TENM4: variants seen among roughly 807,000 people sequenced by gnomAD.
TENM4 encodes the protein teneurin transmembrane protein 4, also known as teneurin-4.
Under a neutral mutation model 243.3 loss-of-function variants are expected in TENM4, and 82 were observed. The ratio of observed to expected loss-of-function variants is 0.34; its 90% CI spans 0.28 to 0.40. TENM4 has a LOEUF of 0.40. Ranked by LOEUF, TENM4 falls within the 10% of genes least tolerant of loss-of-function variation. The pLI is 1.00. For synonymous variants in TENM4, 1,412 were observed against 1,456.3 expected (o/e 0.97, Z 0.69); for missense variants, 3,138 against 3,673.3 (o/e 0.85, Z 3.77).
intron 9 of TENM4, among the ~76,000 whole-genome samples, chr11:78,888,678 CT>C (rs1438445763): frequency 6.6e-6 from 1 of 152,242 alleles, no homozygotes; most frequent in Non-Finnish European, 1.5e-5. Flanking sequence ...GCCACAGTGA[CT>C]TTGCTGGTTA....
chr11:79,013,548 G>T (rs1314642310), intron 6 of TENM4, among the ~76,000 whole-genome samples: 7 of 152,186 alleles, frequency 4.6e-5, no homozygotes, highest in African/African-American at 1.7e-4. Flanking sequence ...CCAATCATGG[G>T]GTGGGGAAGT....
chr11:79,288,853 G>A (rs1356126702), intron 2 of TENM4, among the ~76,000 whole-genome samples: 1 of 152,042 alleles, frequency 6.6e-6, no homozygotes, highest in Non-Finnish European at 1.5e-5. Flanking sequence ...AAATAAGAAT[G>A]GGTGAGATGA....
chr11:78,733,360 A>G (rs1277973905), intron 20 of TENM4, among the ~76,000 whole-genome samples: 1 of 152,132 alleles, frequency 6.6e-6, no homozygotes, highest in Non-Finnish European at 1.5e-5. Flanking sequence ...TCCTAGTCCT[A>G]GTTCTGTCTT....
chr11:78,807,069 A>T (rs1857405213), intron 14 of TENM4, among the ~76,000 whole-genome samples: 1 of 152,230 alleles, frequency 6.6e-6, no homozygotes, highest in Non-Finnish European at 1.5e-5. Flanking sequence ...TTATATGTTC[A>T]TACCTCATTT....
chr11:78,853,668 T>A (rs1405322810), intron 12 of TENM4, among the ~76,000 whole-genome samples: 1 of 152,208 alleles, frequency 6.6e-6, no homozygotes, highest in Non-Finnish European at 1.5e-5. Context: ...CTTTTCTCAT[T>A]GGCCAGGGGT....
chr11:79,053,839 C>T (rs556378077), intron 6 of TENM4, among the ~76,000 whole-genome samples: 18 of 152,308 alleles, frequency 1.2e-4, no homozygotes, highest in African/African-American at 4.1e-4. Context: ...TTCCTATGCT[C>T]CCTTCCAGAC....
intron 3 of TENM4, among the ~76,000 whole-genome samples, chr11:79,160,984 T>C (rs1016102357): frequency 6.6e-6 from 1 of 152,192 alleles, no homozygotes; most frequent in African/African-American, 2.4e-5. Flanking sequence ...TGCCTTCCAC[T>C]TCCTCTTCCA....
intron 4 of TENM4, among the ~76,000 whole-genome samples, chr11:79,130,747 C>CG (rs532473228): frequency 6.6e-6 from 1 of 152,122 alleles, no homozygotes; most frequent in African/African-American, 2.4e-5. Context: ...GGTGTGAACT[C>CG]GGGGGGCGGA....
intron 12 of TENM4, among the ~76,000 whole-genome samples, chr11:78,820,029 T>C (rs1364636901): frequency 6.6e-6 from 1 of 152,184 alleles, no homozygotes; most frequent in Non-Finnish European, 1.5e-5. Context: ...TACTTCAGGT[T>C]ACACCTATTT....
chr11:79,343,404 G>A (rs962221340), intron 1 of TENM4, among the ~76,000 whole-genome samples: 5 of 152,196 alleles, frequency 3.3e-5, no homozygotes, highest in African/African-American at 1.2e-4. Context: ...ACAGAGGTCT[G>A]CTGGCTCCAG....
intron 17 of TENM4, among the ~76,000 whole-genome samples, chr11:78,773,893 G>T (rs1003387329): frequency 1.3e-5 from 2 of 152,108 alleles, no homozygotes; most frequent in Non-Finnish European, 2.9e-5. Context: ...GTAACTTTTT[G>T]TTAAAAATGT....
chr11:79,436,857 C>A (rs1281896253), intron 1 of TENM4, among the ~76,000 whole-genome samples: 2 of 152,226 alleles, frequency 1.3e-5, no homozygotes, highest in Non-Finnish European at 2.9e-5. Flanking sequence ...CCTTCCCCCA[C>A]CACAGAAGAT....
chr11:78,712,774 G>A (rs1859431014), intron 25 of TENM4, 60 bp from the exon 26 acceptor site: 2 of 1,461,174 alleles, frequency 1.4e-6, no homozygotes, highest in Non-Finnish European at 9.5e-7. Flanking sequence ...AGTAGCTGGA[G>A]ATGTACAGAT....
intron 6 of TENM4, among the ~76,000 whole-genome samples, chr11:78,993,161 C>A (rs1858086676): frequency 6.6e-6 from 1 of 152,082 alleles, no homozygotes; most frequent in Admixed American, 6.5e-5. Flanking sequence ...CAAAATCTTT[C>A]AAGGGGCATG....
At chr11:79,021,298 T>C (rs1223990455) in intron 6 of TENM4, among the ~76,000 whole-genome samples, 1 of 152,212 alleles carries the variant, frequency 6.6e-6, no homozygotes, top group Non-Finnish European at 1.5e-5. Context: ...TGAATGGCCA[T>C]GTCTTTTTCA....
At chr11:78,981,928 T>C (rs1197115678) in intron 6 of TENM4, among the ~76,000 whole-genome samples, 1 of 151,964 alleles carries the variant, frequency 6.6e-6, no homozygotes, top group Non-Finnish European at 1.5e-5. Context: ...GTTTTTTGGT[T>C]CCCTCTCCAC....
intron 27 of TENM4, among the ~76,000 whole-genome samples, 153 bp downstream of exon 27, chr11:78,708,208 C>T (rs548870744): frequency 6.6e-6 from 1 of 152,358 alleles, no homozygotes; most frequent in South Asian, 2.1e-4. Context: ...TCTTACTTGT[C>T]TTTGTGTCCT....
At chr11:78,943,151 G>A (rs971641743) in intron 6 of TENM4, among the ~76,000 whole-genome samples, 24 of 152,222 alleles carry the variant, frequency 1.6e-4, no homozygotes, top group African/African-American at 5.8e-4. Flanking sequence ...GAGACAAGAC[G>A]TGCTGAGTTT....
intron 1 of TENM4, among the ~76,000 whole-genome samples, chr11:79,352,605 G>T (rs1213022956): frequency 6.6e-6 from 1 of 152,220 alleles, no homozygotes. Flanking sequence ...TTAGGAGTGG[G>T]ACATTCCCAA....
Sources: gnomAD v4.1 joint callset for allele counts (sites outside exome capture counted in the v4.1 genomes callset) on GRCh38, gnomAD v4.1.1 for gene constraint, MANE v1.5 for transcripts, NCBI Gene and HGNC (gene_info 2026-07-23, HGNC 2026-07-21) for gene names.